Variants in TTC28 observed in about 807,000 individuals in gnomAD.
The protein encoded by TTC28 is tetratricopeptide repeat protein 28.
Under a neutral mutation model 198.0 loss-of-function variants are expected in TTC28, and 61 were observed. That is an observed-to-expected ratio of 0.31 (90% CI 0.25 to 0.38). TTC28 has a LOEUF of 0.38. Ranked by LOEUF, TTC28 falls within the 10% of genes least tolerant of loss-of-function variation. The pLI, the probability that TTC28 is intolerant of heterozygous loss-of-function variation, is 1.00. For synonymous variants in TTC28, 1,171 were observed against 1,297.8 expected, an observed-to-expected ratio of 0.90 and a Z score of 2.10; for missense variants, 2,678 against 3,164.0, an observed-to-expected ratio of 0.85 and a Z score of 3.69.
At chr22:28,648,650 T>C (rs1009106586) in intron 1 of TTC28, among the ~76,000 whole-genome samples, 1 of 152,252 alleles carries the variant, frequency 6.6e-6, no homozygotes, top group Non-Finnish European at 1.5e-5. Context: ...GGCTCATGCC[T>C]GTAATTCCAG....
intron 2 of TTC28, among the ~76,000 whole-genome samples, chr22:28,454,513 T>A (rs1008721034): frequency 6.6e-6 from 1 of 152,212 alleles, no homozygotes; most frequent in African/African-American, 2.4e-5. Flanking sequence ...TCATTCCCCT[T>A]AAGACAGTTT....
chr22:28,140,294 A>G (rs960703317), intron 6 of TTC28, among the ~76,000 whole-genome samples: 1 of 152,238 alleles, frequency 6.6e-6, no homozygotes, highest in Non-Finnish European at 1.5e-5. Context: ...AACCTGATGT[A>G]AAACAAACTC....
intron 2 of TTC28, among the ~76,000 whole-genome samples, chr22:28,534,680 T>C (rs1030849618): frequency 3.9e-5 from 6 of 152,282 alleles, no homozygotes; most frequent in Middle Eastern, 6.8e-3. Context: ...CCATCAATGA[T>C]AGACTTGATT....
chr22:28,458,675 A>G (rs933115895), intron 2 of TTC28, among the ~76,000 whole-genome samples: 15 of 151,842 alleles, frequency 9.9e-5, no homozygotes, highest in African/African-American at 3.4e-4. Flanking sequence ...AGGTCAGGAG[A>G]TTGAGACCAT....
chr22:28,236,268 C>T (rs932738797), intron 5 of TTC28, among the ~76,000 whole-genome samples: 1 of 152,182 alleles, frequency 6.6e-6, no homozygotes, highest in Non-Finnish European at 1.5e-5. Context: ...CCAACACCCT[C>T]TTTTGAACTT....
intron 2 of TTC28, among the ~76,000 whole-genome samples, chr22:28,461,988 C>A (rs930731566): frequency 1.3e-5 from 2 of 152,166 alleles, no homozygotes; most frequent in Non-Finnish European, 2.9e-5. Context: ...CTTCTCTAAA[C>A]CCATGTCATA....
intron 2 of TTC28, among the ~76,000 whole-genome samples, chr22:28,441,457 G>A (rs1282053446): frequency 6.6e-6 from 1 of 152,140 alleles, no homozygotes; most frequent in East Asian, 1.9e-4. Context: ...AAAGTGAATG[G>A]AATCAATCTC....
rs989122300 is a variant in TTC28 at position 28,048,508 on chromosome 22, C to G, written c.3933-18142G>C. ...GGATGGCAGTGTAGGATATCTGGGT[C>G]GGGGTGGGGCTAAGAAACAGCTAAA... On this transcript the variant is annotated intron_variant, in intron 12 of 22. Coordinates refer to ENST00000397906, the MANE Select transcript of TTC28 (RefSeq NM_001145418.2). Among the ~76,000 whole-genome samples, 6 of 151,688 alleles carry G rather than the reference C, an allele frequency of 4.0e-5. No homozygotes were observed. In the South Asian group the frequency reaches 6.3e-4, roughly 16 times the overall value.
At chr22:28,077,508 A>C (rs1292530815) in intron 12 of TTC28, among the ~76,000 whole-genome samples, 1 of 152,204 alleles carries the variant, frequency 6.6e-6, no homozygotes, top group East Asian at 1.9e-4. Flanking sequence ...GGTTATGCCA[A>C]TTTACTCTTC....
intron 19 of TTC28, among the ~76,000 whole-genome samples, chr22:27,991,099 C>T (rs868252431): frequency 1.3e-5 from 2 of 152,076 alleles, no homozygotes; most frequent in African/African-American, 2.4e-5. Context: ...GCACAGCGGG[C>T]GTTTGTAGCC....
chr22:28,493,991 G>T (rs2048416607), intron 2 of TTC28, among the ~76,000 whole-genome samples: 1 of 152,188 alleles, frequency 6.6e-6, no homozygotes, highest in African/African-American at 2.4e-5. Flanking sequence ...AACACACTGT[G>T]GGGTGAGAAT....
At chr22:28,512,909 C>A (rs2048711373) in intron 2 of TTC28, among the ~76,000 whole-genome samples, 1 of 151,828 alleles carries the variant, frequency 6.6e-6, no homozygotes, top group East Asian at 1.9e-4. Context: ...ACGTGTACCC[C>A]TGAACTTCAA....
chr22:28,528,921 A>C (rs2049068476), intron 2 of TTC28, among the ~76,000 whole-genome samples: 1 of 152,116 alleles, frequency 6.6e-6, no homozygotes, highest in East Asian at 1.9e-4. Context: ...AACAACAACT[A>C]TTTAGAAGAC....
chr22:28,602,376 T>G (rs1396444496), intron 2 of TTC28, among the ~76,000 whole-genome samples: 1 of 152,106 alleles, frequency 6.6e-6, no homozygotes, highest in Non-Finnish European at 1.5e-5. Flanking sequence ...GAGCAATCAT[T>G]CAAATTTCAA....
chr22:28,500,835 G>A (rs865905293), intron 2 of TTC28, among the ~76,000 whole-genome samples: 10 of 152,162 alleles, frequency 6.6e-5, no homozygotes, highest in African/African-American at 2.2e-4. Context: ...ATTTCACAAA[G>A]TGAGGCAAGA....
intron 2 of TTC28, among the ~76,000 whole-genome samples, chr22:28,485,886 T>C (rs2048309124): frequency 6.6e-6 from 1 of 152,072 alleles, no homozygotes; most frequent in Non-Finnish European, 1.5e-5. Context: ...ATCACTCAAA[T>C]GTGGCTCCAA....
At chr22:28,123,383 G>A (rs1942838493) in intron 6 of TTC28, among the ~76,000 whole-genome samples, 1 of 152,054 alleles carries the variant, frequency 6.6e-6, no homozygotes, top group Non-Finnish European at 1.5e-5. Context: ...AGCCTCCCAA[G>A]TAGCTGGGAC....
intron 2 of TTC28, among the ~76,000 whole-genome samples, chr22:28,312,588 G>A (rs2145826405): frequency 6.6e-6 from 1 of 152,280 alleles, no homozygotes; most frequent in East Asian, 1.9e-4. Flanking sequence ...CATGGAAACT[G>A]AACAACCTGC....
At chr22:28,495,971 C>T (rs1240117808) in intron 2 of TTC28, among the ~76,000 whole-genome samples, 1 of 152,142 alleles carries the variant, frequency 6.6e-6, no homozygotes, top group Admixed American at 6.5e-5. Flanking sequence ...ATCCAATAGT[C>T]AATCCTCAGT....
Sources: gnomAD v4.1 joint callset for allele counts (sites outside exome capture counted in the v4.1 genomes callset) on GRCh38, gnomAD v4.1.1 for gene constraint, MANE v1.5 for transcripts, NCBI Gene and HGNC (gene_info 2026-07-23, HGNC 2026-07-21) for gene names.